The following PRKN variants were observed in gnomAD, a reference collection of about 807,000 sequenced individuals.
PRKN encodes parkin RBR E3 ubiquitin protein ligase.
A neutral mutation model predicts 59.5 loss-of-function variants in PRKN; 56 were observed. The ratio of observed to expected loss-of-function variants is 0.94; its 90% CI spans 0.76 to 1.18. PRKN has a LOEUF of 1.18. Ranked by LOEUF, PRKN falls within the 50% of genes most tolerant of loss-of-function variation. The pLI, the probability that PRKN is intolerant of heterozygous loss-of-function variation, is 0.00. For synonymous variants in PRKN, 250 were observed against 222.1 expected, an observed-to-expected ratio of 1.13 and a Z score of -1.12; for missense variants, 657 against 596.4, an observed-to-expected ratio of 1.10 and a Z score of -1.06.
At chr6:162,531,057 C>CAAAAA (rs1171548218) in intron 1 of PRKN, among the ~76,000 whole-genome samples, 1,333 of 78,874 alleles carry the variant, frequency 0.017, 7 homozygotes, top group Non-Finnish European at 0.022. Context: ...ACTCCATCTC[C>CAAAAA]AAAAAAAAAA....
chr6:162,218,999 CCCTGTCT>C (rs1381915832), intron 3 of PRKN, among the ~76,000 whole-genome samples: 1 of 152,004 alleles, frequency 6.6e-6, no homozygotes, highest in Non-Finnish European at 1.5e-5. Flanking sequence ...CATGGAGAAA[CCCTGTCT>C]CTACCTACAT....
At chr6:162,479,003 C>T (rs1792164244) in intron 1 of PRKN, among the ~76,000 whole-genome samples, 2 of 152,138 alleles carry the variant, frequency 1.3e-5, no homozygotes, top group African/African-American at 4.8e-5. Context: ...ACTGCACACT[C>T]AGGCTACGCT....
chr6:161,821,191 C>G (rs1220191674), intron 6 of PRKN, among the ~76,000 whole-genome samples: 1 of 152,064 alleles, frequency 6.6e-6, no homozygotes, highest in East Asian at 1.9e-4. Flanking sequence ...AACCCCCAAA[C>G]ATACTCACTC....
At chr6:162,110,834 T>C (rs1583046972) in intron 4 of PRKN, among the ~76,000 whole-genome samples, 1 of 152,152 alleles carries the variant, frequency 6.6e-6, no homozygotes, top group East Asian at 1.9e-4. Flanking sequence ...GTACACACCC[T>C]CTAGGAAACG....
intron 10 of PRKN, among the ~76,000 whole-genome samples, chr6:161,381,697 G>C (rs1486684284): frequency 1.3e-5 from 2 of 152,144 alleles, no homozygotes; most frequent in South Asian, 4.1e-4. Flanking sequence ...TGGTAGGGAG[G>C]GAGGTGTGTG....
rs756869892 is a variant in PRKN at position 161,549,002 on chromosome 6, T to C, written c.935A>G (p.Tyr312Cys). The change falls in exon 9 of 12, where the codon TAC becomes TGC. Residue 312 changes from tyrosine (Y) to cysteine (C), a missense_variant and splice_region_variant. Tyr to Cys is a radical substitution (Grantham distance 194). Transcript: ENST00000366898. This position sits in a 1 kb window ranked among gnomAD's most constrained non-coding sequence, Gnocchi z 6.0. The stretch of plus-strand genomic sequence containing the variant: ...TGCACCATACTGCTGGTACCGGTTG[T>C]ACTGCAAAACCCAAAAAGCAGATTG... ...HHFRILGEEQ[Y>C]NRYQQYGAEE... 6.2e-7 allele frequency: 1 copy of C among 1,614,172 alleles called. No individual in the cohort carries two copies. Among genetic ancestry groups the C allele is most frequent in the Non-Finnish European group, 8.5e-7 (1 of 1,180,014 alleles).
chr6:161,900,441 TTA>T (rs1562376644), intron 6 of PRKN, among the ~76,000 whole-genome samples: 2 of 143,044 alleles, frequency 1.4e-5, no homozygotes, highest in Middle Eastern at 3.6e-3. Context: ...ATATATATTT[TTA>T]TATATATATA....
In PRKN at chr6:161,690,582, G is replaced by A. The variant is rs148384724; in HGVS notation, c.871+95190C>T. On this transcript the variant is annotated intron_variant, in intron 7 of 11. Coordinates refer to ENST00000366898, the MANE Select transcript of PRKN (RefSeq NM_004562.3). ...ATTATTTCTGGTTGTGTCCGTGAGG[G>A]TGTTTCTGGATTAGCATTTGAGTTG... is the stretch of plus-strand genomic sequence containing the variant. Among the ~76,000 whole-genome samples, 878 of 152,302 alleles carry A rather than the reference G, an allele frequency of 5.8e-3. 17 individuals are homozygous for A. The highest frequency in any genetic ancestry group is 0.035 in the Admixed American group (532 of 15,306).
intron 2 of PRKN, among the ~76,000 whole-genome samples, chr6:162,383,593 GC>G (rs929656133): frequency 1.2e-4 from 18 of 152,212 alleles, no homozygotes; most frequent in South Asian, 4.2e-4. Context: ...ATCCTTAAGG[GC>G]CCTAGGACTA....
intron 2 of PRKN, among the ~76,000 whole-genome samples, chr6:162,315,522 C>T (rs1782719864): frequency 6.6e-6 from 1 of 152,132 alleles, no homozygotes; most frequent in Non-Finnish European, 1.5e-5. Flanking sequence ...TGTTCATCTG[C>T]AATTCAAATT....
At chr6:162,622,794 C>T (rs142857521) in intron 1 of PRKN, among the ~76,000 whole-genome samples, 64 of 152,080 alleles carry the variant, frequency 4.2e-4, no homozygotes, top group African/African-American at 1.4e-3. Flanking sequence ...GTTTCATGAG[C>T]GGAAAAGCAG....
chr6:161,751,915 A>G (rs1309048800), intron 7 of PRKN, among the ~76,000 whole-genome samples: 2 of 152,230 alleles, frequency 1.3e-5, no homozygotes, highest in Non-Finnish European at 2.9e-5. Context: ...GCTGGAGAAG[A>G]GCAGGTGCAA....
chr6:161,952,433 C>T (rs902984547), intron 6 of PRKN, among the ~76,000 whole-genome samples: 3 of 152,162 alleles, frequency 2.0e-5, no homozygotes, highest in African/African-American at 7.2e-5. Flanking sequence ...GCCTGGCCAA[C>T]ATGGCAAAAC....
intron 7 of PRKN, among the ~76,000 whole-genome samples, chr6:161,661,465 T>G (rs1446025137): frequency 6.6e-6 from 1 of 152,134 alleles, no homozygotes; most frequent in Admixed American, 6.5e-5. Context: ...TCAGATATCA[T>G]GTACCACAGA....
Position 161,830,257 on chromosome 6 carries a change from GT to G in PRKN, c.735-44350del, listed in dbSNP as rs35558751. Among the ~76,000 whole-genome samples the G allele has an allele frequency of 4.1e-3, 599 of 144,436 alleles. 5 individuals carry two copies. Among genetic ancestry groups the G allele is most frequent in the Non-Finnish European group, 4.6e-3 (299 of 65,590 alleles). The allele number at this position is 144,436 out of a possible 152,430, so 94.8% of individuals were successfully genotyped here. On this transcript the variant is annotated intron_variant, in intron 6 of 11. Coordinates refer to ENST00000366898, the MANE Select transcript of PRKN (RefSeq NM_004562.3). ...GTTACCTTTGTTTTTTTTGTTTTTT[GT>G]TTTTTTTTTTTGAGATGGAGTCTCG...
chr6:161,728,336 A>G (rs1787535700), intron 7 of PRKN, among the ~76,000 whole-genome samples: 1 of 152,072 alleles, frequency 6.6e-6, no homozygotes, highest in Non-Finnish European at 1.5e-5. Context: ...TTCTTTAGCT[A>G]GCAAATCTTG....
intron 4 of PRKN, among the ~76,000 whole-genome samples, chr6:162,084,121 T>C (rs1324242987): frequency 6.6e-6 from 1 of 152,136 alleles, no homozygotes; most frequent in African/African-American, 2.4e-5. Flanking sequence ...TAGATACATA[T>C]TATTGAAAAT....
intron 7 of PRKN, among the ~76,000 whole-genome samples, chr6:161,764,937 C>T (rs1206387395): frequency 6.6e-6 from 1 of 152,180 alleles, no homozygotes; most frequent in Non-Finnish European, 1.5e-5. Flanking sequence ...GATTCCATTG[C>T]TGAGCTCTGA....
At chr6:161,966,760 C>G (rs1780596606) in intron 6 of PRKN, among the ~76,000 whole-genome samples, 1 of 152,182 alleles carries the variant, frequency 6.6e-6, no homozygotes, top group African/African-American at 2.4e-5. Context: ...TGCAGCTTCA[C>G]AAAAAACCTC....
Sources: allele counts gnomAD v4.1 joint callset (sites outside exome capture counted in the v4.1 genomes callset), GRCh38; gene constraint gnomAD v4.1.1; non-coding constraint Gnocchi (gnomAD v3.1); transcripts MANE v1.5; gene names NCBI Gene and HGNC (gene_info 2026-07-23, HGNC 2026-07-21).